The following NPAS3 variants were observed in gnomAD, a reference collection of about 807,000 sequenced individuals.
NPAS3 encodes the protein neuronal PAS domain protein 3.
In NPAS3, 14 loss-of-function variants were observed where a neutral mutation model predicts 73.1. That is an observed-to-expected ratio of 0.19 (90% CI 0.13 to 0.30). The LOEUF is 0.30. Among genes scored for constraint, NPAS3 ranks in the 10% least tolerant of loss-of-function variants. NPAS3 has a pLI of 1.00. For missense variants in NPAS3, 1,096 were observed against 1,250.0 expected, an observed-to-expected ratio of 0.88 and a Z score of 1.86; for synonymous variants, 620 against 541.5, an observed-to-expected ratio of 1.14 and a Z score of -2.01.
intron 1 of NPAS3, among the ~76,000 whole-genome samples, chr14:33,008,265 G>A (rs2039070249): frequency 6.6e-6 from 1 of 152,122 alleles, no homozygotes; most frequent in Non-Finnish European, 1.5e-5. Context: ...TTATTTTACT[G>A]ACAAGGAAAT....
chr14:33,078,456 C>T (rs547096896), intron 2 of NPAS3, among the ~76,000 whole-genome samples: 1 of 150,890 alleles, frequency 6.6e-6, no homozygotes, highest in African/African-American at 2.4e-5. Context: ...ACATCACCAT[C>T]TATGGTAATG....
At chr14:33,272,600 A>G (rs2140019192) in intron 3 of NPAS3, among the ~76,000 whole-genome samples, 1 of 152,104 alleles carries the variant, frequency 6.6e-6, no homozygotes, top group East Asian at 1.9e-4. Context: ...TGTTTTTAAT[A>G]GAGATGGGGT....
Position 32,987,226 on chromosome 14 carries a change from A to AT in NPAS3, c.50+47878dup, listed in dbSNP as rs201588607. ...TAAAAATACACAAGTTTGTGTCAGA[A>AT]TTTTTTTTTTTTTTTTTTAGTGAAT... On this transcript the variant is annotated intron_variant, in intron 1 of 11. Transcript: ENST00000356141. Among the ~76,000 whole-genome samples, 867 of 141,912 alleles carry AT rather than the reference A, an allele frequency of 6.1e-3. 8 individuals carry two copies. Among genetic ancestry groups the AT allele is most frequent in the East Asian group, 0.02 (100 of 4,914 alleles). 93.1% of individuals were successfully genotyped at this position (141,912 alleles called of 152,430 possible).
chr14:33,369,417 A>G (rs2140428280), intron 4 of NPAS3, among the ~76,000 whole-genome samples: 1 of 150,478 alleles, frequency 6.6e-6, no homozygotes, highest in Admixed American at 6.7e-5. Context: ...AAAAAAAAAA[A>G]AAAAAAAAAA....
intron 2 of NPAS3, among the ~76,000 whole-genome samples, chr14:33,149,057 T>G (rs986069988): frequency 6.6e-5 from 10 of 152,216 alleles, no homozygotes; most frequent in Non-Finnish European, 1.5e-4. Context: ...CAAGTCACTT[T>G]GTGAGTACTG....
intron 2 of NPAS3, among the ~76,000 whole-genome samples, chr14:33,130,171 A>G (rs774386500): frequency 3.3e-5 from 5 of 152,196 alleles, no homozygotes; most frequent in Non-Finnish European, 1.5e-5. Context: ...CTTTATGCGT[A>G]CGGCAGACCA....
intron 3 of NPAS3, among the ~76,000 whole-genome samples, chr14:33,316,814 A>T (rs530961121): frequency 6.6e-6 from 1 of 152,256 alleles, no homozygotes; most frequent in East Asian, 1.9e-4. Context: ...TCCCCTCTTT[A>T]GTACCCCCAG....
chr14:33,605,123 T>C lies in NPAS3; in HGVS notation c.558+44913T>C, dbSNP rs139350151. Among the ~76,000 whole-genome samples the C allele has an allele frequency of 8.5e-4, 129 of 151,046 alleles. 1 individual carries two copies. The Middle Eastern group carries it at 0.024, about 28-fold the overall frequency. On this transcript the variant is annotated intron_variant, in intron 5 of 11. Transcript: ENST00000356141. ...AATAGAAACCAATAGAGAAAAGCAA[T>C]GAAATAAAAAAGAAACTTGTTCTTT...
intron 4 of NPAS3, among the ~76,000 whole-genome samples, 174 bp downstream of exon 4, chr14:33,367,442 C>A (rs1374222642): frequency 6.6e-6 from 1 of 151,864 alleles, no homozygotes; most frequent in Non-Finnish European, 1.5e-5. Flanking sequence ...GAAAGCCATC[C>A]TTTGAGAGAA....
intron 5 of NPAS3, among the ~76,000 whole-genome samples, chr14:33,568,729 G>C (rs2056080142): frequency 1.3e-5 from 2 of 152,074 alleles, no homozygotes; most frequent in African/African-American, 4.8e-5. Context: ...GAAGTAACAT[G>C]GCAACAATTT....
intron 5 of NPAS3, among the ~76,000 whole-genome samples, chr14:33,673,328 G>A (rs1384333897): frequency 6.6e-6 from 1 of 152,156 alleles, no homozygotes; most frequent in African/African-American, 2.4e-5. Flanking sequence ...TTGTAAACTG[G>A]ACATGATCAT....
At chr14:33,201,163 A>G (rs188254730) in intron 2 of NPAS3, among the ~76,000 whole-genome samples, 1 of 152,342 alleles carries the variant, frequency 6.6e-6, no homozygotes, top group Non-Finnish European at 1.5e-5. Flanking sequence ...GGGACACTTA[A>G]TAAAACGCTA....
intron 1 of NPAS3, among the ~76,000 whole-genome samples, chr14:33,008,130 A>T (rs527992634): frequency 6.6e-6 from 1 of 152,350 alleles, no homozygotes; most frequent in East Asian, 1.9e-4. Context: ...AAACACCAGC[A>T]GAGATTATTA....
At chr14:33,227,139 G>A (rs1425851673) in intron 3 of NPAS3, among the ~76,000 whole-genome samples, 3 of 152,176 alleles carry the variant, frequency 2.0e-5, no homozygotes, top group East Asian at 1.9e-4. Flanking sequence ...TCTCAGGGAC[G>A]TTTGTAAAGT....
intron 9 of NPAS3, among the ~76,000 whole-genome samples, chr14:33,789,266 G>T (rs1566543749): frequency 6.6e-6 from 1 of 152,156 alleles, no homozygotes; most frequent in Non-Finnish European, 1.5e-5. Flanking sequence ...TCTGTCCTCT[G>T]AAGAGCACAG....
intron 1 of NPAS3, among the ~76,000 whole-genome samples, chr14:32,964,543 G>T (rs1665328416): frequency 6.6e-6 from 1 of 152,174 alleles, no homozygotes. Flanking sequence ...ATATATTAAT[G>T]AAGATGTTTA....
chr14:33,341,433 A>T lies in NPAS3; in HGVS notation c.386-25753A>T, dbSNP rs963843246. Among the ~76,000 whole-genome samples the T allele has an allele frequency of 4.6e-5, 7 of 152,118 alleles. No homozygotes were observed. In the East Asian group the frequency reaches 7.7e-4, roughly 17 times the overall value. ...GTCCTGGACATGACTTTATGGAAAA[A>T]TTTTATTTTTTTATTTTATTTTTTA... is the stretch of plus-strand genomic sequence containing the variant. On this transcript the variant is annotated intron_variant, in intron 3 of 11. Transcript: ENST00000356141.
At chr14:33,653,875 C>T (rs978621263) in intron 5 of NPAS3, among the ~76,000 whole-genome samples, 2 of 152,252 alleles carry the variant, frequency 1.3e-5, no homozygotes, top group East Asian at 1.9e-4. Flanking sequence ...AAAACAGGCC[C>T]GTTATTGTGT....
At chr14:33,204,865 G>A (rs2046765109) in intron 2 of NPAS3, among the ~76,000 whole-genome samples, 1 of 152,028 alleles carries the variant, frequency 6.6e-6, no homozygotes, top group African/African-American at 2.4e-5. Flanking sequence ...TACTTCTCAG[G>A]CCCTACTATT....
Sources: allele counts gnomAD v4.1 joint callset (sites outside exome capture counted in the v4.1 genomes callset), GRCh38; gene constraint gnomAD v4.1.1; transcripts MANE v1.5; gene names NCBI Gene and HGNC (gene_info 2026-07-23, HGNC 2026-07-21).